TAFA1: variants seen among roughly 807,000 people sequenced by gnomAD.
The protein encoded by TAFA1 is TAFA chemokine like family member 1.
TAFA1 carries 4 observed loss-of-function variants against 18.5 expected under a neutral mutation model. The observed-to-expected ratio is 0.22, with a 90% confidence interval of 0.11 to 0.49. The LOEUF is 0.49. TAFA1 is among the 20% of genes least tolerant of loss of function. The pLI is 0.98. For synonymous variants in TAFA1, 56 were observed against 55.2 expected (o/e 1.01, Z -0.06); for missense variants, 147 against 169.0 (o/e 0.87, Z 0.72).
intron 4 of TAFA1, among the ~76,000 whole-genome samples, chr3:68,539,821 G>T (rs971733958): frequency 6.6e-6 from 1 of 151,932 alleles, no homozygotes; most frequent in Non-Finnish European, 1.5e-5. Context: ...GTGAAGTGGT[G>T]TGATTATAGC....
chr3:68,260,805 A>G (rs1169022951), intron 2 of TAFA1, among the ~76,000 whole-genome samples: 2 of 152,164 alleles, frequency 1.3e-5, no homozygotes, highest in Admixed American at 1.3e-4. Context: ...TAGACCTAAA[A>G]CCATAAAAAT....
chr3:68,492,522 C>T (rs2072472039), intron 3 of TAFA1, among the ~76,000 whole-genome samples: 1 of 152,078 alleles, frequency 6.6e-6, no homozygotes. Flanking sequence ...AAAGAAGAAA[C>T]CAATGAATGA....
intron 2 of TAFA1, among the ~76,000 whole-genome samples, chr3:68,378,913 T>G (rs1045476062): frequency 6.6e-6 from 1 of 152,162 alleles, no homozygotes; most frequent in African/African-American, 2.4e-5. Context: ...TTTCTAAGTT[T>G]CCTAAGACCT....
intron 3 of TAFA1, among the ~76,000 whole-genome samples, chr3:68,513,931 G>T (rs1229147306): frequency 6.6e-6 from 1 of 152,090 alleles, no homozygotes; most frequent in Non-Finnish European, 1.5e-5. Context: ...ACCAAATGGG[G>T]TGGCTTATAA....
intron 3 of TAFA1, among the ~76,000 whole-genome samples, chr3:68,468,151 A>G (rs191541986): frequency 2.0e-4 from 30 of 152,338 alleles, no homozygotes; most frequent in Non-Finnish European, 2.6e-4. Context: ...AGAGATAGTG[A>G]TAGGTTTTGA....
chr3:68,520,392 G>A (rs1474281673), intron 3 of TAFA1, among the ~76,000 whole-genome samples: 2 of 152,078 alleles, frequency 1.3e-5, no homozygotes, highest in African/African-American at 4.8e-5. Flanking sequence ...TCTTTTGATG[G>A]CTGATGTTCA....
chr3:68,072,717 T>C (rs1368922444), intron 2 of TAFA1, among the ~76,000 whole-genome samples: 1 of 152,120 alleles, frequency 6.6e-6, no homozygotes, highest in Non-Finnish European at 1.5e-5. Context: ...TTTACAGATT[T>C]AGTGAGTTCA....
intron 3 of TAFA1, among the ~76,000 whole-genome samples, chr3:68,455,539 C>G (rs967332311): frequency 5.3e-5 from 8 of 152,164 alleles, no homozygotes; most frequent in Non-Finnish European, 7.3e-5. Flanking sequence ...TCTTCCTCAT[C>G]ATCAGGTTTC....
chr3:68,270,792 T>TA (rs2067650750), intron 2 of TAFA1, among the ~76,000 whole-genome samples: 1 of 152,126 alleles, frequency 6.6e-6, no homozygotes, highest in Non-Finnish European at 1.5e-5. Context: ...TATTATGGAT[T>TA]AAACAGAAGA....
chr3:68,044,276 G>A (rs1284795250), intron 2 of TAFA1, among the ~76,000 whole-genome samples: 1 of 152,076 alleles, frequency 6.6e-6, no homozygotes, highest in South Asian at 2.1e-4. Flanking sequence ...TTTATCTCTG[G>A]CATTTTAACT....
intron 2 of TAFA1, among the ~76,000 whole-genome samples, chr3:68,172,180 CAA>C (rs1250092686): frequency 6.6e-6 from 1 of 152,130 alleles, no homozygotes; most frequent in African/African-American, 2.4e-5. Flanking sequence ...TGTTGAAGAA[CAA>C]AGACAGAATC....
intron 2 of TAFA1, among the ~76,000 whole-genome samples, chr3:68,057,019 AT>A (rs562398354): frequency 1.8e-4 from 27 of 152,120 alleles, no homozygotes; most frequent in Non-Finnish European, 3.1e-4. Context: ...AGGAGTTTTT[AT>A]GGGAAAAGCT....
intron 2 of TAFA1, among the ~76,000 whole-genome samples, chr3:68,153,629 A>G (rs1466841175): frequency 6.6e-6 from 1 of 152,106 alleles, no homozygotes; most frequent in Non-Finnish European, 1.5e-5. Flanking sequence ...CATCACTTGT[A>G]TTTGCAGAGA....
At chr3:68,442,238 C>T (rs1446370354) in intron 3 of TAFA1, among the ~76,000 whole-genome samples, 3 of 152,104 alleles carry the variant, frequency 2.0e-5, no homozygotes, top group Admixed American at 6.6e-5. Context: ...TGTGGACACC[C>T]AGGAGCTAGC....
At chr3:68,101,017 T>A (rs2065141308) in intron 2 of TAFA1, among the ~76,000 whole-genome samples, 1 of 152,164 alleles carries the variant, frequency 6.6e-6, no homozygotes, top group Non-Finnish European at 1.5e-5. Flanking sequence ...TTTATTTAAT[T>A]TTTATTTTAA....
intron 2 of TAFA1, among the ~76,000 whole-genome samples, chr3:68,025,976 GAT>G (rs1398392684): frequency 6.6e-6 from 1 of 152,092 alleles, no homozygotes; most frequent in Admixed American, 6.6e-5. Flanking sequence ...CATCAGTTTT[GAT>G]CCCTGTTATG....
chr3:68,508,566 G>A (rs539385478), intron 3 of TAFA1, among the ~76,000 whole-genome samples: 53 of 152,044 alleles, frequency 3.5e-4, no homozygotes, highest in Admixed American at 2.4e-3. Flanking sequence ...CCATTAATTC[G>A]TTCAACAAAG....
At chr3:68,405,727 A>C (rs200918080) in intron 2 of TAFA1, among the ~76,000 whole-genome samples, 6,728 of 140,654 alleles carry the variant, frequency 0.048, 736 homozygotes, top group African/African-American at 0.15. Flanking sequence ...AAAAAAAAAA[A>C]AAAAAAAAAA....
chr3:68,262,745 G>A (rs894158353), intron 2 of TAFA1, among the ~76,000 whole-genome samples: 1 of 149,872 alleles, frequency 6.7e-6, no homozygotes, highest in Non-Finnish European at 1.5e-5. Flanking sequence ...ATGAATTTAT[G>A]AGTGTGTGTG....
Sources: gnomAD v4.1 joint callset for allele counts (sites outside exome capture counted in the v4.1 genomes callset) on GRCh38, gnomAD v4.1.1 for gene constraint, MANE v1.5 for transcripts, NCBI Gene and HGNC (gene_info 2026-07-23, HGNC 2026-07-21) for gene names.